The following TBCD variants were observed in gnomAD, a reference collection of about 807,000 sequenced individuals.
The protein encoded by TBCD is tubulin folding cofactor D.
Under a neutral mutation model 169.3 loss-of-function variants are expected in TBCD, and 105 were observed. That is an observed-to-expected ratio of 0.62 (90% CI 0.53 to 0.73). The LOEUF is 0.73. TBCD is among the 30% of genes least tolerant of loss of function. The pLI is 0.00. For missense variants in TBCD, 1,444 were observed against 1,600.1 expected (o/e 0.90, Z 1.66); for synonymous variants, 700 against 643.9 (o/e 1.09, Z -1.32).
At chr17:82,911,025 T>G (rs1266559983) in intron 22 of TBCD, among the ~76,000 whole-genome samples, 1 of 152,200 alleles carries the variant, frequency 6.6e-6, no homozygotes, top group Non-Finnish European at 1.5e-5. Flanking sequence ...ACCTCCTCAG[T>G]CAGCAGGGCG....
chr17:82,916,642 G>A (rs77307695), intron 23 of TBCD, among the ~76,000 whole-genome samples: 15,241 of 152,142 alleles, frequency 0.1, 1,049 homozygotes, highest in South Asian at 0.29. Context: ...TTCTGGAGAG[G>A]TTAGCTGCCA....
At chr17:82,919,468 A>G (rs539122747) in intron 23 of TBCD, among the ~76,000 whole-genome samples, 1 of 152,196 alleles carries the variant, frequency 6.6e-6, no homozygotes, top group Non-Finnish European at 1.5e-5. Flanking sequence ...AAAGTTAATT[A>G]GTGTACAAAG....
At chr17:82,891,294 A>G (rs2059119957) in intron 16 of TBCD, among the ~76,000 whole-genome samples, 1 of 152,240 alleles carries the variant, frequency 6.6e-6, no homozygotes, top group East Asian at 1.9e-4. Context: ...CACTTGGTCT[A>G]AATTTAGGCA....
chr17:82,925,137 A>G, intron 27 of TBCD, 80 bp downstream of exon 27: 1 of 1,129,244 alleles, frequency 8.9e-7, no homozygotes, highest in Non-Finnish European at 1.3e-6. Context: ...AGGTAGGCCC[A>G]GCCGTTAATA....
At chr17:82,791,489 C>A (rs1568138095) in intron 7 of TBCD, among the ~76,000 whole-genome samples, 1 of 152,108 alleles carries the variant, frequency 6.6e-6, no homozygotes, top group African/African-American at 2.4e-5. Flanking sequence ...CGCTGCTCCT[C>A]TCTTCTGTGG....
chr17:82,840,972 T>C (rs1356116978), intron 13 of TBCD, among the ~76,000 whole-genome samples: 1 of 140,198 alleles, frequency 7.1e-6, no homozygotes, highest in East Asian at 2.1e-4. Context: ...TTTTTTTTTT[T>C]TTTTTTTTTT....
chr17:82,799,441 C>CA (rs61017445), intron 8 of TBCD, among the ~76,000 whole-genome samples: 9,479 of 72,228 alleles, frequency 0.13, 963 homozygotes, highest in South Asian at 0.31. Flanking sequence ...GACTCTGTCT[C>CA]AAAAAAAAAA....
Position 82,927,328 on chromosome 17 carries a change from G to A in TBCD, c.2609+5G>A, listed in dbSNP as rs367596929. On this transcript the variant is annotated splice_donor_5th_base_variant and intron_variant, in intron 29 of 38. Transcript: ENST00000355528. ...CAGAGGGGACGTGGGCACCTGGTAC[G>A]TACGTAGCAGTGGGTGAGCGCTTCT... 5.3e-5 allele frequency: 85 copies of A among 1,612,970 alleles called. No individual in the cohort carries two copies. The highest frequency in any genetic ancestry group is 6.9e-5 in the Non-Finnish European group (81 of 1,179,490).
chr17:82,766,376 T>A lies in TBCD; in HGVS notation c.435+8T>A. 1 of 1,605,148 alleles carries A rather than the reference T, an allele frequency of 6.2e-7. No homozygotes were observed. ...AATCCCAAGGACCATGAAGTGAGTG[T>A]CTCTGCCTCCCCCCTCGTCTCCAGC... is the stretch of plus-strand genomic sequence containing the variant. On this transcript the variant is annotated splice_region_variant and intron_variant, in intron 4 of 38. Coordinates refer to ENST00000355528, the MANE Select transcript of TBCD (RefSeq NM_005993.5).
chr17:82,772,486 C>G lies in TBCD; in HGVS notation c.617C>G (p.Ala206Gly). ...ATTGTCAGTGACAAGGCCCGAGATGCAGCTGCTGTCCTTGTGTCCAGGTAA... is the reference window on the plus strand; with the variant it reads ...ATTGTCAGTGACAAGGCCCGAGATGGAGCTGCTGTCCTTGTGTCCAGGTAA... The part of the protein sequence containing the change: ...YLIVSDKARD[A>G]AAVLVSRFIT... The change falls in exon 6 of 39, where the codon GCA (alanine) becomes GGA (glycine). Residue 206 changes from alanine (A) to glycine (G), a missense_variant. Coordinates refer to ENST00000355528, the MANE Select transcript of TBCD (RefSeq NM_005993.5). The G allele has an allele frequency of 1.2e-6, 2 of 1,613,954 alleles. No homozygotes were observed.
chr17:82,784,851 G>A (rs1416312794), intron 7 of TBCD, among the ~76,000 whole-genome samples: 1 of 152,236 alleles, frequency 6.6e-6, no homozygotes, highest in Non-Finnish European at 1.5e-5. Flanking sequence ...ATGGGGTGTG[G>A]CAACTGCCGC....
chr17:82,771,699 G>GT (rs1568109138), intron 5 of TBCD, among the ~76,000 whole-genome samples: 1 of 152,136 alleles, frequency 6.6e-6, no homozygotes, highest in East Asian at 1.9e-4. Context: ...GATTACAGGC[G>GT]TGAGCCGCAG....
rs1476289032 is a variant in TBCD, at chr17:82,864,211, C to T, written c.1319-6013C>T. 6.6e-6 allele frequency: 1 copy of T among 152,248 alleles called. No homozygotes were observed. Among genetic ancestry groups the T allele is most frequent in the East Asian group, 1.9e-4 (1 of 5,192 alleles). The allele number at this position is 152,248 out of a possible 1,614,324, so 9.4% of individuals were successfully genotyped here. A position where few individuals can be genotyped will look rare whatever the true frequency, so the allele number is the denominator to read the frequency against. On this transcript the variant is annotated intron_variant, in intron 13 of 38. Transcript: ENST00000355528. This position sits in a 1 kb window ranked among gnomAD's most constrained non-coding sequence, Gnocchi z 6.3. ...TCTCTTGTGTGATTTATCAGCTTCA[C>T]TTGTGCTTCCAGGGCTCTTTGAAGC...
intron 13 of TBCD, among the ~76,000 whole-genome samples, chr17:82,847,096 A>C (rs1044136926): frequency 6.6e-6 from 1 of 152,172 alleles, no homozygotes. Flanking sequence ...TCACGCCTGT[A>C]ATCCCAGCAC....
intron 17 of TBCD, among the ~76,000 whole-genome samples, chr17:82,898,003 C>T (rs2059607206): frequency 6.7e-6 from 1 of 148,368 alleles, no homozygotes; most frequent in Non-Finnish European, 1.5e-5. Context: ...TTTTCATGAG[C>T]ATTGAGCCCC....
chr17:82,886,644 C>T lies in TBCD; in HGVS notation c.1533+2442C>T, dbSNP rs555449099. On this transcript the variant is annotated intron_variant, in intron 15 of 38. Coordinates refer to ENST00000355528, the MANE Select transcript of TBCD (RefSeq NM_005993.5). Reference sequence around the variant, plus strand: ...GATTTATATGCAGTTTTCTCCCCTCCCCTCCCCTCCCCTCCCCTCCCCTCC... The same window carrying T: ...GATTTATATGCAGTTTTCTCCCCTCTCCTCCCCTCCCCTCCCCTCCCCTCC... Among the ~76,000 whole-genome samples the T allele has an allele frequency of 7.7e-3, 8 of 1,036 alleles. No individual in the cohort carries two copies. In the East Asian group the frequency reaches 0.18, roughly 24 times the overall value. 0.7% of individuals were successfully genotyped at this position (1,036 alleles called of 152,430 possible).
At chr17:82,822,690 C>T (rs1479755706) in intron 13 of TBCD, among the ~76,000 whole-genome samples, 1 of 152,230 alleles carries the variant, frequency 6.6e-6, no homozygotes, top group African/African-American at 2.4e-5. Flanking sequence ...CCACAGTGTT[C>T]GGAGTGAGAC....
Position 82,805,984 on chromosome 17 carries a change from G to T in TBCD, c.1060G>T (p.Val354Phe), listed in dbSNP as rs764878349. 6.2e-7 allele frequency: 1 copy of T among 1,613,784 alleles called. No individual in the cohort carries two copies. The highest frequency in any genetic ancestry group is 1.1e-5 in the South Asian group (1 of 91,082). The part of the protein sequence containing the change: ...LTEDDDEDDD[V>F]PEGVERVIEQ... ...CGAAGATGACGACGAAGATGACGAC[G>T]TCCCAGAGGGGGTGGAGCGTGTGAT... The change falls in exon 10 of 39, where the codon GTC becomes TTC. Residue 354 changes from valine (V) to phenylalanine (F), a missense_variant. By Grantham distance (50) the Val-to-Phe change is conservative. Coordinates refer to ENST00000355528, the MANE Select transcript of TBCD (RefSeq NM_005993.5).
Position 82,880,818 on chromosome 17 carries a change from T to G in TBCD, c.1476-3327T>G, listed in dbSNP as rs2058302433. 1.3e-5 allele frequency among the ~76,000 whole-genome samples: 2 copies of G among 152,160 alleles called. No homozygotes were observed. Among genetic ancestry groups the G allele is most frequent in the South Asian group, 2.1e-4 (1 of 4,828 alleles). On this transcript the variant is annotated intron_variant, in intron 14 of 38. Transcript: ENST00000355528. This position sits in a 1 kb window ranked among gnomAD's most constrained non-coding sequence, Gnocchi z 5.0. Reference sequence around the variant, plus strand: ...GCAGTGGCCCGTACGTGAGGGACTTTGTTGTTGCCGTCTCCCCAGGGTGCA... The same window carrying G: ...GCAGTGGCCCGTACGTGAGGGACTTGGTTGTTGCCGTCTCCCCAGGGTGCA...
Sources: allele counts gnomAD v4.1 joint callset (sites outside exome capture counted in the v4.1 genomes callset), GRCh38; gene constraint gnomAD v4.1.1; non-coding constraint Gnocchi (gnomAD v3.1); transcripts MANE v1.5; gene names NCBI Gene and HGNC (gene_info 2026-07-23, HGNC 2026-07-21).